DLG2: variants seen among roughly 807,000 people sequenced by gnomAD.
DLG2 encodes the protein disks large homolog 2.
Under a neutral mutation model 132.5 loss-of-function variants are expected in DLG2, and 45 were observed. That is an observed-to-expected ratio of 0.34 (90% CI 0.27 to 0.44). The LOEUF is 0.44. Ranked by LOEUF, DLG2 falls within the 20% of genes least tolerant of loss-of-function variation. The pLI, the probability that DLG2 is intolerant of heterozygous loss-of-function variation, is 1.00. For synonymous variants in DLG2, 424 were observed against 419.6 expected, an observed-to-expected ratio of 1.01 and a Z score of -0.13; for missense variants, 1,045 against 1,196.9, an observed-to-expected ratio of 0.87 and a Z score of 1.87.
At chr11:85,092,926 C>T (rs1203947440) in intron 6 of DLG2, among the ~76,000 whole-genome samples, 1 of 152,160 alleles carries the variant, frequency 6.6e-6, no homozygotes. Context: ...CAGGCGTGCA[C>T]CACTACGCCC....
chr11:84,682,111 CAT>C (rs1429218033), intron 6 of DLG2, among the ~76,000 whole-genome samples: 15 of 152,082 alleles, frequency 9.9e-5, no homozygotes, highest in African/African-American at 2.9e-4. Context: ...CCAGGGAAGA[CAT>C]ATGTTTATTC....
chr11:83,829,564 C>T (rs2044327206), intron 17 of DLG2, among the ~76,000 whole-genome samples: 1 of 152,034 alleles, frequency 6.6e-6, no homozygotes, highest in African/African-American at 2.4e-5. Context: ...CCTGTATGTC[C>T]AGTGCAAGTT....
chr11:83,508,906 T>C (rs2094872957), intron 21 of DLG2, among the ~76,000 whole-genome samples: 1 of 152,224 alleles, frequency 6.6e-6, no homozygotes, highest in Non-Finnish European at 1.5e-5. Flanking sequence ...GAGTACACAG[T>C]AGTTAATTGC....
At chr11:83,861,667 C>T (rs1304529910) in intron 16 of DLG2, among the ~76,000 whole-genome samples, 2 of 151,628 alleles carry the variant, frequency 1.3e-5, no homozygotes, top group Non-Finnish European at 2.9e-5. Context: ...ATCTAAAATT[C>T]GAAACAATTG....
At chr11:84,895,177 A>T (rs1389950576) in intron 6 of DLG2, among the ~76,000 whole-genome samples, 4 of 152,214 alleles carry the variant, frequency 2.6e-5, no homozygotes, top group Non-Finnish European at 5.9e-5. Flanking sequence ...AATGACGTTT[A>T]AACATAACAG....
intron 6 of DLG2, among the ~76,000 whole-genome samples, chr11:84,843,997 T>C (rs2081048012): frequency 1.3e-5 from 2 of 149,538 alleles, no homozygotes; most frequent in Admixed American, 1.3e-4. Context: ...ATAAAGGTGA[T>C]ATATATATTA....
intron 6 of DLG2, among the ~76,000 whole-genome samples, chr11:84,899,206 C>A (rs1377239589): frequency 1.3e-5 from 2 of 152,058 alleles, no homozygotes; most frequent in Non-Finnish European, 2.9e-5. Flanking sequence ...GATGGTTCTT[C>A]AGATACAAAA....
At chr11:85,538,772 T>C (rs949039881) in intron 3 of DLG2, among the ~76,000 whole-genome samples, 3 of 151,650 alleles carry the variant, frequency 2.0e-5, no homozygotes, top group Admixed American at 1.3e-4. Context: ...TTCTCACTCA[T>C]AAATGGGAGC....
chr11:84,832,544 G>T (rs1335823032), intron 6 of DLG2, among the ~76,000 whole-genome samples: 1 of 151,532 alleles, frequency 6.6e-6, no homozygotes, highest in Admixed American at 6.6e-5. Context: ...TTCAGCAAAG[G>T]AAGGCAGGAC....
intron 3 of DLG2, among the ~76,000 whole-genome samples, chr11:85,431,076 A>C (rs1430729554): frequency 2.6e-5 from 4 of 152,184 alleles, no homozygotes; most frequent in African/African-American, 7.2e-5. Flanking sequence ...CATGTATAGA[A>C]TGCTTCTGTC....
At chr11:84,335,159 G>GAA (rs1567324673) in intron 7 of DLG2, among the ~76,000 whole-genome samples, 3 of 9,170 alleles carry the variant, frequency 3.3e-4, no homozygotes, top group African/African-American at 1.2e-3. Flanking sequence ...AATAAAGAAA[G>GAA]CAAAAAAAAA....
intron 6 of DLG2, among the ~76,000 whole-genome samples, chr11:85,013,293 C>G (rs1245161478): frequency 6.6e-6 from 1 of 152,234 alleles, no homozygotes; most frequent in Admixed American, 6.5e-5. Context: ...GGAGATGTAG[C>G]TTCTGTCTGA....
chr11:84,834,916 T>C (rs537732143), intron 6 of DLG2, among the ~76,000 whole-genome samples: 2 of 151,434 alleles, frequency 1.3e-5, no homozygotes, highest in Admixed American at 6.6e-5. Flanking sequence ...AAAAAAAAAT[T>C]TTTGGGAAAA....
At chr11:84,776,054 T>C (rs1396564765) in intron 6 of DLG2, among the ~76,000 whole-genome samples, 2 of 152,206 alleles carry the variant, frequency 1.3e-5, no homozygotes, top group East Asian at 1.9e-4. Context: ...TTTTCAAATA[T>C]TGGTGATCAA....
At chr11:83,790,933 G>C (rs578086168) in intron 17 of DLG2, 4 of 935,838 alleles carry the variant, frequency 4.3e-6, no homozygotes, top group East Asian at 4.8e-5. Flanking sequence ...TCCTGAGGCA[G>C]AAGTCCAATA....
chr11:85,046,793 T>C (rs903603429), intron 6 of DLG2, among the ~76,000 whole-genome samples: 1 of 151,870 alleles, frequency 6.6e-6, no homozygotes, highest in Non-Finnish European at 1.5e-5. Flanking sequence ...AACTTGCATT[T>C]CAAACCCCTT....
intron 4 of DLG2, among the ~76,000 whole-genome samples, chr11:85,248,529 A>C (rs1230255640): frequency 6.6e-6 from 1 of 152,030 alleles, no homozygotes; most frequent in East Asian, 1.9e-4. Flanking sequence ...CATGAATATG[A>C]ATTAGAATCA....
chr11:84,056,130 A>G (rs151106074), intron 11 of DLG2, among the ~76,000 whole-genome samples: 1,641 of 152,108 alleles, frequency 0.011, 13 homozygotes, highest in Middle Eastern at 0.031. Flanking sequence ...ATAGATATAC[A>G]TGTACCATGG....
intron 20 of DLG2, among the ~76,000 whole-genome samples, chr11:83,535,621 A>G (rs1194571140): frequency 6.6e-6 from 1 of 151,998 alleles, no homozygotes; most frequent in East Asian, 1.9e-4. Flanking sequence ...CATTTGCTAT[A>G]GTTTATTATT....
Sources: gnomAD v4.1 joint callset for allele counts (sites outside exome capture counted in the v4.1 genomes callset) on GRCh38, gnomAD v4.1.1 for gene constraint, MANE v1.5 for transcripts, NCBI Gene and HGNC (gene_info 2026-07-23, HGNC 2026-07-21) for gene names.